DPP10: variants seen among roughly 807,000 people sequenced by gnomAD.
DPP10 encodes the protein dipeptidyl peptidase like 10, also known as inactive dipeptidyl peptidase 10.
In DPP10, 33 loss-of-function variants were observed where a neutral mutation model predicts 120.9. The ratio of observed to expected loss-of-function variants is 0.27; its 90% CI spans 0.21 to 0.37. DPP10 has a LOEUF of 0.37. DPP10 is among the 10% of genes least tolerant of loss of function. The pLI, the probability that DPP10 is intolerant of heterozygous loss-of-function variation, is 1.00. For missense variants in DPP10, 816 were observed against 942.8 expected (o/e 0.87, Z 1.76); for synonymous variants, 337 against 326.1 (o/e 1.03, Z -0.36).
intron 5 of DPP10, among the ~76,000 whole-genome samples, chr2:115,652,421 G>A (rs966541158): frequency 7.3e-5 from 11 of 151,468 alleles, no homozygotes; most frequent in Admixed American, 3.3e-4. Context: ...GTGTGTGTGT[G>A]TGTGTGTGTG....
chr2:114,898,103 G>A (rs1267532953), intron 1 of DPP10, among the ~76,000 whole-genome samples: 9 of 152,258 alleles, frequency 5.9e-5, no homozygotes, highest in East Asian at 3.9e-4. Context: ...CAACCCAAAT[G>A]TCCAACAATG....
At chr2:115,152,611 G>C (rs1388563606) in intron 1 of DPP10, among the ~76,000 whole-genome samples, 2 of 152,098 alleles carry the variant, frequency 1.3e-5, no homozygotes, top group African/African-American at 4.8e-5. Context: ...TGTTTACCTG[G>C]AAACAGGTTT....
intron 19 of DPP10, among the ~76,000 whole-genome samples, chr2:115,801,020 T>C (rs1473228183): frequency 6.6e-6 from 1 of 152,220 alleles, no homozygotes; most frequent in Non-Finnish European, 1.5e-5. Flanking sequence ...ATAAATTACC[T>C]TGGGCAGTAT....
chr2:115,039,294 A>T (rs1408633403), intron 1 of DPP10, among the ~76,000 whole-genome samples: 1 of 152,254 alleles, frequency 6.6e-6, no homozygotes, highest in Non-Finnish European at 1.5e-5. Flanking sequence ...TATAGGTGAT[A>T]CAAGTCTATT....
chr2:115,172,052 T>A (rs1036403436), intron 1 of DPP10, among the ~76,000 whole-genome samples: 1 of 152,206 alleles, frequency 6.6e-6, no homozygotes, highest in Non-Finnish European at 1.5e-5. Flanking sequence ...ACTGCTGATA[T>A]CTACACACAG....
rs551722580 is a variant in DPP10 at position 114,443,030 on chromosome 2, C to T, written c.60+192C>T. Among the ~76,000 whole-genome samples, 28 of 151,896 alleles carry T rather than the reference C, an allele frequency of 1.8e-4. No individual in the cohort carries two copies. The East Asian group carries it at 2.1e-3, about 12-fold the overall frequency. On this transcript the variant is annotated intron_variant, in intron 1 of 25. Coordinates refer to ENST00000410059, the MANE Select transcript of DPP10 (RefSeq NM_020868.6). ...ACTGGAAAGAATAGTTTCCACTGAA[C>T]ACTTCTTTCATCTTCATGACTTTTT...
chr2:115,707,192 A>C (rs2092145008), intron 7 of DPP10, among the ~76,000 whole-genome samples: 2 of 151,962 alleles, frequency 1.3e-5, no homozygotes. Flanking sequence ...AAAACATGAA[A>C]AAAGTAGATA....
In DPP10 at chr2:115,272,126, T is replaced by A. The variant is rs1266067257; in HGVS notation, c.61-37113T>A. ...TTCTCAGATAAATTGTTGTTGCTGT[T>A]GTTCAGCTGGTATTGTTATAAACCA... On this transcript the variant is annotated intron_variant, in intron 1 of 25. Transcript: ENST00000410059. Among the ~76,000 whole-genome samples, 11 of 152,226 alleles carry A rather than the reference T, an allele frequency of 7.2e-5. 1 individual carries two copies. In the East Asian group the frequency reaches 2.1e-3, roughly 29 times the overall value.
chr2:114,469,918 T>C (rs1679765956), intron 1 of DPP10, among the ~76,000 whole-genome samples: 2 of 151,942 alleles, frequency 1.3e-5, no homozygotes, highest in South Asian at 2.1e-4. Context: ...AGAAAGACAG[T>C]TGGGGGACAG....
chr2:114,703,757 A>G lies in DPP10; in HGVS notation c.60+260919A>G, dbSNP rs528636625. Among the ~76,000 whole-genome samples the G allele has an allele frequency of 2.6e-5, 4 of 152,320 alleles. No homozygotes were observed. The South Asian group carries it at 8.3e-4, about 32-fold the overall frequency. ...GCATATTTGTCTGGTTCCATAAAATAGAAATGTTGAAACTAGAAGAGCTGC... is the reference window on the plus strand; with the variant it reads ...GCATATTTGTCTGGTTCCATAAAATGGAAATGTTGAAACTAGAAGAGCTGC... On this transcript the variant is annotated intron_variant, in intron 1 of 25. Coordinates refer to ENST00000410059, the MANE Select transcript of DPP10 (RefSeq NM_020868.6).
chr2:115,835,777 G>A (rs1340154989), intron 21 of DPP10, among the ~76,000 whole-genome samples: 1 of 151,962 alleles, frequency 6.6e-6, no homozygotes, highest in Non-Finnish European at 1.5e-5. Flanking sequence ...TTAAATTAGT[G>A]GAAAATTACA....
At chr2:114,886,061 C>T (rs1197716628) in intron 1 of DPP10, among the ~76,000 whole-genome samples, 1 of 152,100 alleles carries the variant, frequency 6.6e-6, no homozygotes, top group African/African-American at 2.4e-5. Flanking sequence ...ACTTATAGGT[C>T]TTTAGATCTA....
chr2:115,333,915 T>C (rs2062924477), intron 2 of DPP10, among the ~76,000 whole-genome samples: 1 of 151,800 alleles, frequency 6.6e-6, no homozygotes, highest in Non-Finnish European at 1.5e-5. Context: ...GAGTTGCTCT[T>C]CTCAAGGTGA....
intron 8 of DPP10, 93 bp downstream of exon 8, chr2:115,728,029 T>TA: frequency 7.2e-7 from 1 of 1,380,134 alleles, no homozygotes; most frequent in South Asian, 1.3e-5. Context: ...GAGCAATACT[T>TA]ACAGTACAGT....
intron 1 of DPP10, among the ~76,000 whole-genome samples, chr2:114,819,323 C>A (rs1685896426): frequency 1.3e-5 from 2 of 151,898 alleles, no homozygotes; most frequent in Admixed American, 1.3e-4. Flanking sequence ...TACCAACTAG[C>A]TTTGAGACCC....
intron 3 of DPP10, among the ~76,000 whole-genome samples, chr2:115,490,780 A>C (rs969834113): frequency 1.3e-5 from 2 of 152,204 alleles, no homozygotes; most frequent in Non-Finnish European, 2.9e-5. Context: ...GATAGTATTA[A>C]AAAATATTCT....
intron 1 of DPP10, among the ~76,000 whole-genome samples, chr2:114,495,964 T>A (rs994682603): frequency 2.6e-5 from 4 of 152,330 alleles, no homozygotes; most frequent in Middle Eastern, 3.4e-3. Flanking sequence ...CTTCTTCCTT[T>A]ATATTGGACA....
intron 21 of DPP10, among the ~76,000 whole-genome samples, chr2:115,821,716 T>G (rs1271265806): frequency 1.3e-5 from 2 of 152,042 alleles, no homozygotes; most frequent in Non-Finnish European, 2.9e-5. Context: ...AATTTTGGTT[T>G]GTTCAATTAT....
At chr2:115,136,171 A>C (rs76116901) in intron 1 of DPP10, among the ~76,000 whole-genome samples, 2,080 of 152,300 alleles carry the variant, frequency 0.014, 53 homozygotes, top group African/African-American at 0.046. Flanking sequence ...GCTGAAAAAA[A>C]AAACAAACAT....
Sources: gnomAD v4.1 joint callset for allele counts (sites outside exome capture counted in the v4.1 genomes callset) on GRCh38, gnomAD v4.1.1 for gene constraint, MANE v1.5 for transcripts, NCBI Gene and HGNC (gene_info 2026-07-23, HGNC 2026-07-21) for gene names.